PRKCA: variants seen among roughly 807,000 people sequenced by gnomAD.
PRKCA encodes the protein protein kinase C alpha type.
Under a neutral mutation model 87.0 loss-of-function variants are expected in PRKCA, and 27 were observed. The ratio of observed to expected loss-of-function variants is 0.31; its 90% CI spans 0.23 to 0.43. The LOEUF is 0.43. Among genes scored for constraint, PRKCA ranks in the 20% least tolerant of loss-of-function variants. The probability of loss-of-function intolerance (pLI) is 1.00; values close to 1 mark genes in which losing one functional copy is unlikely to be tolerated. For missense variants in PRKCA, 518 were observed against 852.3 expected (o/e 0.61, Z 4.88); for synonymous variants, 329 against 311.1 (o/e 1.06, Z -0.61).
At chr17:66,633,942 G>T (rs996602073) in intron 3 of PRKCA, among the ~76,000 whole-genome samples, 1 of 152,194 alleles carries the variant, frequency 6.6e-6, no homozygotes, top group Non-Finnish European at 1.5e-5. Context: ...CTTCCAGGTG[G>T]CTGTAGACAC....
chr17:66,562,891 T>C (rs1968760665), intron 3 of PRKCA, among the ~76,000 whole-genome samples: 1 of 152,216 alleles, frequency 6.6e-6, no homozygotes, highest in African/African-American at 2.4e-5. Flanking sequence ...ACACTGTGCC[T>C]GGCCAGCTTG....
rs866235905 is a variant in PRKCA, at chr17:66,756,910, G to T, written c.1524+14150G>T. ...ACTCCTGACCTCAAGTGTTCCGCCTGCCTCAGTCTCCCAGAGTGCTGGGAT... is the reference window on the plus strand; with the variant it reads ...ACTCCTGACCTCAAGTGTTCCGCCTTCCTCAGTCTCCCAGAGTGCTGGGAT... On this transcript the variant is annotated intron_variant, in intron 13 of 16. Coordinates refer to ENST00000413366, the MANE Select transcript of PRKCA (RefSeq NM_002737.3). 2.0e-5 allele frequency among the ~76,000 whole-genome samples: 3 copies of T among 152,268 alleles called. No individual in the cohort carries two copies. The East Asian group carries it at 5.8e-4, about 29-fold the overall frequency.
intron 3 of PRKCA, among the ~76,000 whole-genome samples, chr17:66,555,821 A>G (rs1040821493): frequency 1.3e-5 from 2 of 152,136 alleles, no homozygotes; most frequent in Non-Finnish European, 1.5e-5. Flanking sequence ...CCTTAGGTGA[A>G]GGGTTTCCCT....
At chr17:66,503,270 G>A (rs934888466) in intron 3 of PRKCA, among the ~76,000 whole-genome samples, 3 of 152,130 alleles carry the variant, frequency 2.0e-5, no homozygotes, top group Non-Finnish European at 4.4e-5. Flanking sequence ...TTTTCCCACA[G>A]TATTTTGCAC....
At chr17:66,504,207 A>G (rs1212915084) in intron 3 of PRKCA, among the ~76,000 whole-genome samples, 2 of 151,872 alleles carry the variant, frequency 1.3e-5, no homozygotes, top group African/African-American at 2.4e-5. Context: ...AAGGTTACAA[A>G]GGTAAAGAGA....
At chr17:66,501,712 G>T (rs1348594595) in intron 3 of PRKCA, among the ~76,000 whole-genome samples, 1 of 152,206 alleles carries the variant, frequency 6.6e-6, no homozygotes, top group Non-Finnish European at 1.5e-5. Flanking sequence ...GGTTTCATCA[G>T]ACAACATAAA....
At position 66,803,768 on chromosome 17, in the gene PRKCA, C is replaced by T. The variant is rs976453638; in HGVS notation, c.1855-105C>T. 8.2e-5 allele frequency: 122 copies of T among 1,480,028 alleles called. No individual in the cohort carries two copies. Among genetic ancestry groups the T allele is most frequent in the African/African-American group, 1.9e-4 (13 of 70,154 alleles). The allele number at this position is 1,480,028 out of a possible 1,614,324, so 91.7% of individuals were successfully genotyped here. ...CCGAGATTCCTCCTCCTAACCAGCC[C>T]GGAGTTCCCCAGGGCCGTGCCCCTC... On this transcript the variant is annotated intron_variant, in intron 16 of 16. Transcript: ENST00000413366. The surrounding 1 kb of genome is among the most constrained non-coding windows in gnomAD (Gnocchi z 4.4).
chr17:66,666,916 C>G (rs906293172), intron 5 of PRKCA, among the ~76,000 whole-genome samples: 1 of 152,018 alleles, frequency 6.6e-6, no homozygotes, highest in South Asian at 2.1e-4. Flanking sequence ...AGACTAGTAA[C>G]GTAGACTTTG....
intron 3 of PRKCA, among the ~76,000 whole-genome samples, chr17:66,614,375 A>C (rs1807400061): frequency 6.6e-6 from 1 of 152,226 alleles, no homozygotes; most frequent in Non-Finnish European, 1.5e-5. Context: ...TTTTTGAGGC[A>C]TCTACCACAC....
chr17:66,368,386 ATTTTTTTT>A (rs1180540465), intron 2 of PRKCA, among the ~76,000 whole-genome samples: 123 of 25,456 alleles, frequency 4.8e-3, no homozygotes, highest in African/African-American at 0.014. Flanking sequence ...ATATATATAT[ATTTTTTTT>A]TTTTTTTTTT....
At chr17:66,492,425 G>A (rs1452020042) in intron 2 of PRKCA, among the ~76,000 whole-genome samples, 2 of 152,162 alleles carry the variant, frequency 1.3e-5, no homozygotes, top group Non-Finnish European at 2.9e-5. Flanking sequence ...GAAAGAACAG[G>A]TACAAAAAGC....
At chr17:66,535,220 C>T (rs761019661) in intron 3 of PRKCA, among the ~76,000 whole-genome samples, 1 of 151,564 alleles carries the variant, frequency 6.6e-6, no homozygotes, top group Non-Finnish European at 1.5e-5. Flanking sequence ...CCACTTTTAA[C>T]CACCCTTCAC....
chr17:66,474,036 A>G (rs1915436874), intron 2 of PRKCA, among the ~76,000 whole-genome samples: 1 of 152,208 alleles, frequency 6.6e-6, no homozygotes, highest in Admixed American at 6.5e-5. Context: ...ACTTCTTGCC[A>G]CATCACTCTT....
At position 66,596,298 on chromosome 17, in the gene PRKCA, C is replaced by T. The variant is rs545924868; in HGVS notation, c.289-45057C>T. 6.6e-5 allele frequency among the ~76,000 whole-genome samples: 10 copies of T among 152,272 alleles called. 1 individual carries two copies. The East Asian group carries it at 1.9e-3, about 29-fold the overall frequency. On this transcript the variant is annotated intron_variant, in intron 3 of 16. Coordinates refer to ENST00000413366, the MANE Select transcript of PRKCA (RefSeq NM_002737.3). ...CCAATAAAAGCAAGATAAGAAAAAG[C>T]AAGCAAGAACAGGGCAGGAAAAGTC...
At chr17:66,555,289 C>A (rs1003598) in intron 3 of PRKCA, among the ~76,000 whole-genome samples, 91,240 of 152,128 alleles carry the variant, frequency 0.6, 28,672 homozygotes, top group African/African-American at 0.8. Context: ...TGGATTGTTG[C>A]GTGTGGCAGA....
At chr17:66,795,703 A>C (rs146996369) in intron 16 of PRKCA, among the ~76,000 whole-genome samples, 12 of 152,368 alleles carry the variant, frequency 7.9e-5, no homozygotes, top group Non-Finnish European at 1.6e-4. Context: ...ATGAATTGAC[A>C]GGTTTCCATT....
chr17:66,482,323 A>T (rs1184511355), intron 2 of PRKCA, among the ~76,000 whole-genome samples: 1 of 151,988 alleles, frequency 6.6e-6, no homozygotes, highest in Admixed American at 6.6e-5. Context: ...GTAGCTTAGG[A>T]CCCAAAGAGA....
At chr17:66,357,724 T>C (rs189808912) in intron 2 of PRKCA, among the ~76,000 whole-genome samples, 2 of 152,318 alleles carry the variant, frequency 1.3e-5, no homozygotes, top group Non-Finnish European at 2.9e-5. Flanking sequence ...ATTCATGGTG[T>C]ATGTTTGGTA....
rs141756076 is a variant in PRKCA, at chr17:66,718,360, G to A, written c.919-14328G>A. Among the ~76,000 whole-genome samples, 730 of 152,188 alleles carry A rather than the reference G, an allele frequency of 4.8e-3. 11 individuals carry two copies. The highest frequency in any genetic ancestry group is 0.015 in the African/African-American group (623 of 41,532). ...CAGGGTCTCATTCTGATGCCCAGGC[G>A]GGAGTGCAGTGGCACAATCACTGTT... On this transcript the variant is annotated intron_variant, in intron 8 of 16. Coordinates refer to ENST00000413366, the MANE Select transcript of PRKCA (RefSeq NM_002737.3).
Sources: gnomAD v4.1 joint callset for allele counts (sites outside exome capture counted in the v4.1 genomes callset) on GRCh38, gnomAD v4.1.1 for gene constraint, Gnocchi (gnomAD v3.1) non-coding constraint, MANE v1.5 for transcripts, NCBI Gene and HGNC (gene_info 2026-07-23, HGNC 2026-07-21) for gene names.